Variants in FGF14 observed in about 807,000 individuals in gnomAD.
The protein encoded by FGF14 is fibroblast growth factor homologous factor 4.
A neutral mutation model predicts 25.5 loss-of-function variants in FGF14; 5 were observed. The ratio of observed to expected loss-of-function variants is 0.20; its 90% CI spans 0.10 to 0.41. The LOEUF (loss-of-function observed/expected upper bound fraction) is 0.41, where lower values mean the gene tolerates loss of function less well. FGF14 is among the 10% of genes least tolerant of loss of function. FGF14 has a pLI of 1.00. For missense variants in FGF14, 222 were observed against 320.1 expected (o/e 0.69, Z 2.34); for synonymous variants, 138 against 118.3 (o/e 1.17, Z -1.08).
At position 102,276,662 on chromosome 13, in the gene FGF14, C is replaced by T. The variant is rs188437943; in HGVS notation, c.208+124809G>A. ...ACGGTATGCAGTCTTCTTTCTGAAA[C>T]AGTATAAACAAACTACAAAGAGATG... On this transcript the variant is annotated intron_variant, in intron 1 of 4. Coordinates refer to the FGF14 transcript ENST00000376131. 2.0e-5 allele frequency among the ~76,000 whole-genome samples: 3 copies of T among 152,118 alleles called. No homozygotes were observed. The East Asian group carries it at 5.8e-4, about 29-fold the overall frequency.
chr13:102,247,846 T>C (rs1237163800), intron 1 of FGF14, among the ~76,000 whole-genome samples: 1 of 152,030 alleles, frequency 6.6e-6, no homozygotes, highest in African/African-American at 2.4e-5. Context: ...ACCTAAATGC[T>C]CATCAATGGT....
intron 1 of FGF14, among the ~76,000 whole-genome samples, chr13:102,050,512 G>A (rs2042171579): frequency 6.6e-6 from 1 of 151,992 alleles, no homozygotes; most frequent in African/African-American, 2.4e-5. Context: ...ATATTTCTTA[G>A]GAATAAGCTG....
At chr13:101,848,758 T>C (rs1425177255) in intron 3 of FGF14, among the ~76,000 whole-genome samples, 1 of 151,960 alleles carries the variant, frequency 6.6e-6, no homozygotes, top group Non-Finnish European at 1.5e-5. Flanking sequence ...TGGCAAAACA[T>C]TAAACAATTA....
intron 1 of FGF14, among the ~76,000 whole-genome samples, chr13:102,334,022 C>T (rs890583456): frequency 3.3e-5 from 5 of 152,088 alleles, no homozygotes; most frequent in Non-Finnish European, 7.4e-5. Flanking sequence ...CATGGGAGCC[C>T]ATATAGAGGC....
Position 101,756,596 on chromosome 13 carries a change from G to A in FGF14, c.409-29786C>T, listed in dbSNP as rs150491712. On this transcript the variant is annotated intron_variant, in intron 3 of 4. Coordinates refer to ENST00000376143, the MANE Select transcript of FGF14 (RefSeq NM_004115.4). ...AAAAATACAAAAATTAGCCGGGTGC[G>A]GTGGCACATGCCTGTAATCCCAGCT... Among the ~76,000 whole-genome samples, 1,384 of 152,250 alleles carry A rather than the reference G, an allele frequency of 9.1e-3. 2 individuals carry two copies. The highest frequency in any genetic ancestry group is 0.012 in the Non-Finnish European group (839 of 68,018).
chr13:102,045,578 G>A (rs1239482697), intron 1 of FGF14, among the ~76,000 whole-genome samples: 1 of 152,074 alleles, frequency 6.6e-6, no homozygotes, highest in Non-Finnish European at 1.5e-5. Context: ...ACCATGCAGT[G>A]GCAGAATAAT....
chr13:102,281,601 GTA>G (rs2053835064), intron 1 of FGF14, among the ~76,000 whole-genome samples: 1 of 151,496 alleles, frequency 6.6e-6, no homozygotes, highest in East Asian at 1.9e-4. Flanking sequence ...CTCCTGAAGT[GTA>G]GTCTTGTCAT....
chr13:101,958,328 A>G (rs1040721920), intron 1 of FGF14, among the ~76,000 whole-genome samples: 2 of 152,240 alleles, frequency 1.3e-5, no homozygotes, highest in Admixed American at 6.5e-5. Flanking sequence ...GAATCTGAAG[A>G]TGTTAAGCAT....
Position 102,000,512 on chromosome 13 carries a change from G to T in FGF14, c.209-125216C>A, listed in dbSNP as rs1233463241. ...AGGTGATAATATTGCAGGTAAATTG[G>T]CCTCATTTATAGTTTTGTGATTTTC... On this transcript the variant is annotated intron_variant, in intron 1 of 4. Coordinates refer to the FGF14 transcript ENST00000376131. Among the ~76,000 whole-genome samples, 70 of 152,072 alleles carry T rather than the reference G, an allele frequency of 4.6e-4. 1 individual carries two copies. Among genetic ancestry groups the T allele is most frequent in the Non-Finnish European group, 3.7e-4 (25 of 68,014 alleles).
intron 1 of FGF14, among the ~76,000 whole-genome samples, chr13:102,383,278 C>A (rs1159842911): frequency 6.6e-6 from 1 of 151,654 alleles, no homozygotes; most frequent in Non-Finnish European, 1.5e-5. Context: ...TCTTAAATAA[C>A]AAAAAAGTTC....
chr13:101,901,653 G>A (rs772168547), intron 1 of FGF14, among the ~76,000 whole-genome samples: 9 of 152,046 alleles, frequency 5.9e-5, no homozygotes, highest in Non-Finnish European at 1.2e-4. Context: ...GCAGTGAGCC[G>A]AGATCGCACC....
Position 102,260,501 on chromosome 13 carries a change from G to A in FGF14, c.208+140970C>T, listed in dbSNP as rs750247664. ...TCATGATGGTTCCATGGGGAGTATC[G>A]GAAATGGCTCTGTTTTGATTTCCTC... On this transcript the variant is annotated intron_variant, in intron 1 of 4. Transcript: ENST00000376131. 6.6e-5 allele frequency among the ~76,000 whole-genome samples: 10 copies of A among 152,308 alleles called. No homozygotes were observed. The East Asian group carries it at 1.2e-3, about 18-fold the overall frequency.
chr13:102,163,126 C>T (rs2047851346), intron 1 of FGF14, among the ~76,000 whole-genome samples: 1 of 152,118 alleles, frequency 6.6e-6, no homozygotes, highest in African/African-American at 2.4e-5. Context: ...CCAAACATAG[C>T]CAGACTCTCA....
chr13:102,114,921 T>C (rs970544125), intron 1 of FGF14, among the ~76,000 whole-genome samples: 1 of 152,158 alleles, frequency 6.6e-6, no homozygotes, highest in Non-Finnish European at 1.5e-5. Flanking sequence ...GTACCTATAG[T>C]CAATAATTAT....
intron 3 of FGF14, among the ~76,000 whole-genome samples, chr13:101,822,375 T>G (rs536865942): frequency 1.4e-4 from 21 of 152,258 alleles, no homozygotes; most frequent in Middle Eastern, 3.4e-3. Context: ...ACAAACTGTC[T>G]TATTGTGACA....
chr13:102,140,049 C>A (rs914950775), intron 1 of FGF14, among the ~76,000 whole-genome samples: 19 of 143,020 alleles, frequency 1.3e-4, no homozygotes, highest in Non-Finnish European at 2.5e-4. Flanking sequence ...CAAGACCCCC[C>A]CCCCCCCTTA....
chr13:101,769,048 G>GT lies in FGF14; in HGVS notation c.409-42239dup, dbSNP rs202091697. Among the ~76,000 whole-genome samples the GT allele has an allele frequency of 1.6e-3, 246 of 151,724 alleles. 1 individual carries two copies. Among genetic ancestry groups the GT allele is most frequent in the African/African-American group, 5.5e-3 (229 of 41,370 alleles). On this transcript the variant is annotated intron_variant, in intron 3 of 4. Coordinates refer to ENST00000376143, the MANE Select transcript of FGF14 (RefSeq NM_004115.4). ...AGAGAAACCACAGACTGGGAGGAAG[G>GT]TTTTTTTTGCAATAGAAATATCTGA...
At position 102,400,216 on chromosome 13, in the gene FGF14, C is replaced by T. The variant is rs1410045223; in HGVS notation, c.208+1255G>A. On this transcript the variant is annotated intron_variant, in intron 1 of 4. Transcript: ENST00000376131. This position sits in a 1 kb window ranked among gnomAD's most constrained non-coding sequence, Gnocchi z 4.3. The stretch of plus-strand genomic sequence containing the variant: ...GGGGCTCTGGGTGCCAGTGCGGCCC[C>T]CGGCAGAGCCCAGGGCGTCAGGGAG... Among the ~76,000 whole-genome samples, 3 of 152,028 alleles carry T rather than the reference C, an allele frequency of 2.0e-5. No individual in the cohort carries two copies. Among genetic ancestry groups the T allele is most frequent in the African/African-American group, 7.2e-5 (3 of 41,422 alleles).
At chr13:101,918,404 G>A (rs935774469), upstream of FGF14, among the ~76,000 whole-genome samples, 1 of 152,180 alleles carries the variant, frequency 6.6e-6, no homozygotes, top group African/African-American at 2.4e-5. Context: ...CTAGACTTCT[G>A]GAAATTCAGT....
Sources: allele counts gnomAD v4.1 joint callset (sites outside exome capture counted in the v4.1 genomes callset), GRCh38; gene constraint gnomAD v4.1.1; non-coding constraint Gnocchi (gnomAD v3.1); transcripts MANE v1.5; gene names NCBI Gene and HGNC (gene_info 2026-07-23, HGNC 2026-07-21).